The following ANKRD20A1 variants were observed in gnomAD, a reference collection of about 807,000 sequenced individuals.
ANKRD20A1 encodes the protein ankyrin repeat domain 20 family member A1, also known as ankyrin repeat domain-containing protein 20A1.
ANKRD20A1 carries 2 observed loss-of-function variants against 50.9 expected under a neutral mutation model. The observed-to-expected ratio is 0.04, with a 90% CI of 0.02 to 0.12. The LOEUF is 0.12. ANKRD20A1 is among the 10% of genes least tolerant of loss of function. The pLI is 1.00. For synonymous variants in ANKRD20A1, 10 were observed against 186.2 expected (o/e 0.05, Z 7.70); for missense variants, 31 against 548.1 (o/e 0.06, Z 9.42).
At chr9:67,885,198 A>G (rs1253707563) in intron 9 of ANKRD20A1, among the ~76,000 whole-genome samples, 1 of 152,266 alleles carries the variant, frequency 6.6e-6, no homozygotes, top group Non-Finnish European at 1.5e-5. Flanking sequence ...AATAAATAAA[A>G]AAGCATATGC....
Position 67,872,576 on chromosome 9 carries a change from G to T in ANKRD20A1, c.793+1364G>T, listed in dbSNP as rs1342536082. 1.5e-5 allele frequency among the ~76,000 whole-genome samples: 2 copies of T among 136,114 alleles called. 1 individual carries two copies. Among genetic ancestry groups the T allele is most frequent in the Non-Finnish European group, 3.2e-5 (2 of 61,690 alleles). The allele number at this position is 136,114 out of a possible 152,430, so 89.3% of individuals were successfully genotyped here. ...AAATGAAGAAAAAGATTAGAAGCAAGTAAACAGGAACTCTATGGTCAGTGG... is the reference window on the plus strand; with the variant it reads ...AAATGAAGAAAAAGATTAGAAGCAATTAAACAGGAACTCTATGGTCAGTGG... On this transcript the variant is annotated intron_variant, in intron 6 of 14. Transcript: ENST00000562196.
chr9:67,881,081 T>TA (rs1434376447), intron 8 of ANKRD20A1, among the ~76,000 whole-genome samples: 24 of 150,446 alleles, frequency 1.6e-4, no homozygotes, highest in Admixed American at 1.5e-3. Context: ...TTTTTCTACT[T>TA]ATATTATTGG....
intron 4 of ANKRD20A1, among the ~76,000 whole-genome samples, 164 bp downstream of exon 4, chr9:67,867,547 AATAGTAT>A (rs1303143151): frequency 6.6e-6 from 1 of 152,310 alleles, no homozygotes; most frequent in Admixed American, 6.5e-5. Flanking sequence ...TAACATAAAG[AATAGTAT>A]ATAGTAGGAT....
At chr9:67,881,623 A>C (rs1312628215) in intron 8 of ANKRD20A1, among the ~76,000 whole-genome samples, 1 of 151,816 alleles carries the variant, frequency 6.6e-6, no homozygotes, top group Non-Finnish European at 1.5e-5. Context: ...AAACCAAAAC[A>C]AAACAAAACA....
chr9:67,871,475 TTTA>T lies in ANKRD20A1; in HGVS notation c.793+267_793+269del, dbSNP rs202029066. 5.3e-3 allele frequency among the ~76,000 whole-genome samples: 729 copies of T among 137,520 alleles called. 11 individuals carry two copies. Among genetic ancestry groups the T allele is most frequent in the African/African-American group, 0.019 (673 of 36,360 alleles). The allele number at this position is 137,520 out of a possible 152,430, so 90.2% of individuals were successfully genotyped here. A position where few individuals can be genotyped will look rare whatever the true frequency, so the allele number is the denominator to read the frequency against. On this transcript the variant is annotated intron_variant, in intron 6 of 14. Coordinates refer to ENST00000562196, the MANE Select transcript of ANKRD20A1 (RefSeq NM_032250.5). Reference sequence around the variant, plus strand: ...AAACATTATTGTCTGAAAACATTCATTTATTAATTATGATCCCTAAAATCCTAT... The same window carrying T: ...AAACATTATTGTCTGAAAACATTCATTTAATTATGATCCCTAAAATCCTAT...
chr9:67,867,620 C>T (rs1207036192), intron 4 of ANKRD20A1, among the ~76,000 whole-genome samples: 2 of 152,196 alleles, frequency 1.3e-5, no homozygotes. Context: ...GTTTTTGGTA[C>T]TGTAATCTTT....
intron 8 of ANKRD20A1, among the ~76,000 whole-genome samples, chr9:67,881,015 G>A (rs1418315454): frequency 1.4e-5 from 2 of 139,114 alleles, no homozygotes; most frequent in East Asian, 2.5e-4. Context: ...ATAGCATATA[G>A]CTTTTGTTCT....
rs1235380665 is a variant in ANKRD20A1 at position 67,860,885 on chromosome 9, A to T, written c.203+1256A>T. ...GGATGGAATAATATGTGACCACTGA[A>T]GGTGGCAGTAGATACAGAAGTACGT... On this transcript the variant is annotated intron_variant, in intron 1 of 14. Transcript: ENST00000562196. Among the ~76,000 whole-genome samples the T allele has an allele frequency of 4.9e-5, 2 of 40,470 alleles. 1 individual carries two copies. The highest frequency in any genetic ancestry group is 9.5e-5 in the Non-Finnish European group (2 of 21,036). The allele number at this position is 40,470 out of a possible 152,430, so 26.5% of individuals were successfully genotyped here. A position where few individuals can be genotyped will look rare whatever the true frequency, so the allele number is the denominator to read the frequency against.
chr9:67,871,078 T>A lies in ANKRD20A1; in HGVS notation c.738-79T>A. ...GGTCTGATATTGCTTGAAAGTGTTTTGGAATTTAATATGTTTGGTGAATAT... is the reference window on the plus strand; with the variant it reads ...GGTCTGATATTGCTTGAAAGTGTTTAGGAATTTAATATGTTTGGTGAATAT... On this transcript the variant is annotated intron_variant, in intron 5 of 14. Coordinates refer to ENST00000562196, the MANE Select transcript of ANKRD20A1 (RefSeq NM_032250.5). The A allele has an allele frequency of 4.0e-6, 4 of 1,001,684 alleles. No individual in the cohort carries two copies. The Admixed American group carries it at 1.0e-4, about 26-fold the overall frequency. The allele number at this position is 1,001,684 out of a possible 1,614,324, so 62.0% of individuals were successfully genotyped here.
intron 8 of ANKRD20A1, among the ~76,000 whole-genome samples, chr9:67,882,441 G>A (rs1827816485): frequency 7.3e-6 from 1 of 136,476 alleles, no homozygotes; most frequent in Non-Finnish European, 1.5e-5. Context: ...GTTTTGATAT[G>A]TTATGTTGAG....
At chr9:67,896,624 G>A (rs975390246) in intron 12 of ANKRD20A1, among the ~76,000 whole-genome samples, 2 of 38,710 alleles carry the variant, frequency 5.2e-5, no homozygotes, top group African/African-American at 1.4e-4. Context: ...AAGCAGATGA[G>A]GCCTTTTTCC....
chr9:67,867,106 C>CA (rs1827581387), intron 3 of ANKRD20A1, among the ~76,000 whole-genome samples, 171 bp from the exon 4 acceptor site: 1 of 46,336 alleles, frequency 2.2e-5, no homozygotes, highest in African/African-American at 7.0e-5. Context: ...GTTTGCAAGG[C>CA]AAAGCACAGC....
chr9:67,886,542 T>C, intron 9 of ANKRD20A1, among the ~76,000 whole-genome samples: 1 of 87,076 alleles, frequency 1.1e-5, no homozygotes, highest in Non-Finnish European at 2.5e-5. Flanking sequence ...GTGTTTTCTT[T>C]TTTGATAAAT....
intron 8 of ANKRD20A1, among the ~76,000 whole-genome samples, chr9:67,882,076 C>T (rs1401208595): frequency 2.1e-5 from 3 of 145,068 alleles, no homozygotes; most frequent in Non-Finnish European, 3.0e-5. Context: ...ATTTCCTGGG[C>T]TCAGGTGATC....
Position 67,896,608 on chromosome 9 carries a change from A to G in ANKRD20A1, c.1153-951A>G, listed in dbSNP as rs943940131. On this transcript the variant is annotated intron_variant, in intron 12 of 14. Transcript: ENST00000562196. ...AAAATCTAGAGATTTTCTTCTTTCA[A>G]AGTAAAAGCAGATGAGGCCTTTTTC... is the stretch of plus-strand genomic sequence containing the variant. Among the ~76,000 whole-genome samples the G allele has an allele frequency of 1.2e-4, 5 of 42,226 alleles. 1 individual carries two copies. The Admixed American group carries it at 1.7e-3, about 14-fold the overall frequency. The allele number at this position is 42,226 out of a possible 152,430, so 27.7% of individuals were successfully genotyped here. A position where few individuals can be genotyped will look rare whatever the true frequency, so the allele number is the denominator to read the frequency against.
In ANKRD20A1 at chr9:67,863,020, G is replaced by A; in HGVS notation, c.283G>A (p.Val95Ile). Residue 95 changes from valine (V) to isoleucine (I), a missense_variant, in exon 2 of 15, where the codon GTC (valine) becomes ATC (isoleucine). Physicochemically the swap from Val to Ile is conservative, Grantham distance 29. Transcript: ENST00000562196. ...GGTTAACAGAAAATGCCAGATTGAT[G>A]TCTGTGACAAAGAAAACAGAACGCC... ...LLVNRKCQID[V>I]CDKENRTPLI... 2 of 581,806 alleles carry A rather than the reference G, an allele frequency of 3.4e-6. 1 individual carries two copies. Among genetic ancestry groups the A allele is most frequent in the South Asian group, 5.9e-5 (2 of 33,730 alleles). 36.0% of individuals were successfully genotyped at this position (581,806 alleles called of 1,614,324 possible).
chr9:67,881,401 C>G (rs1827792606), intron 8 of ANKRD20A1, among the ~76,000 whole-genome samples: 1 of 149,968 alleles, frequency 6.7e-6, no homozygotes, highest in South Asian at 2.1e-4. Flanking sequence ...ATAACCAGTT[C>G]TAGAAGCAGA....
At chr9:67,885,371 G>A (rs1448393196) in intron 9 of ANKRD20A1, among the ~76,000 whole-genome samples, 2 of 152,304 alleles carry the variant, frequency 1.3e-5, no homozygotes, top group Non-Finnish European at 2.9e-5. Flanking sequence ...CACTACTGGG[G>A]AGGCATTAAG....
At chr9:67,865,891 A>G (rs879772020) in intron 3 of ANKRD20A1, among the ~76,000 whole-genome samples, 4,741 of 137,982 alleles carry the variant, frequency 0.034, 5 homozygotes, top group African/African-American at 0.085. Context: ...TATATAGTCT[A>G]TAGAGTATAT....
Sources: allele counts gnomAD v4.1 joint callset (sites outside exome capture counted in the v4.1 genomes callset), GRCh38; gene constraint gnomAD v4.1.1; transcripts MANE v1.5; gene names NCBI Gene and HGNC (gene_info 2026-07-23, HGNC 2026-07-21).